Variants in PDE10A observed in about 807,000 individuals in gnomAD.
The protein encoded by PDE10A is cAMP and cAMP-inhibited cGMP 3',5'-cyclic phosphodiesterase 10A.
A neutral mutation model predicts 97.7 loss-of-function variants in PDE10A; 39 were observed. The ratio of observed to expected loss-of-function variants is 0.40; its 90% CI spans 0.31 to 0.52. The LOEUF is 0.52. Among genes scored for constraint, PDE10A ranks in the 20% least tolerant of loss-of-function variants. The pLI, the probability that PDE10A is intolerant of heterozygous loss-of-function variation, is 0.56. For missense variants in PDE10A, 731 were observed against 1,047.8 expected (o/e 0.70, Z 4.17); for synonymous variants, 371 against 376.8 (o/e 0.98, Z 0.18).
At chr6:165,690,525 C>T (rs574445250) in intron 1 of PDE10A, among the ~76,000 whole-genome samples, 9 of 152,320 alleles carry the variant, frequency 5.9e-5, no homozygotes, top group African/African-American at 2.2e-4. Context: ...ATGCCCCTCC[C>T]TTGCTCAAAA....
At chr6:165,707,271 G>A (rs568622435) in intron 1 of PDE10A, among the ~76,000 whole-genome samples, 5 of 152,242 alleles carry the variant, frequency 3.3e-5, no homozygotes, top group South Asian at 4.2e-4. Context: ...GATGGGTGGC[G>A]GGCAGCTTGG....
chr6:165,398,760 G>C (rs955631041), intron 13 of PDE10A, among the ~76,000 whole-genome samples: 7 of 152,040 alleles, frequency 4.6e-5, no homozygotes, highest in South Asian at 2.1e-4. Flanking sequence ...AATTTTAAAG[G>C]TAGAGAGAAA....
intron 1 of PDE10A, among the ~76,000 whole-genome samples, chr6:165,870,404 T>C (rs1433601560): frequency 6.6e-6 from 1 of 152,102 alleles, no homozygotes; most frequent in East Asian, 1.9e-4. Flanking sequence ...AATGAGATAT[T>C]GTCTCACTCC....
Position 165,450,343 on chromosome 6 carries a change from T to G in PDE10A, c.1043A>C (p.Gln348Pro). The G allele has an allele frequency of 6.5e-7, 1 of 1,547,032 alleles. No homozygotes were observed. Among genetic ancestry groups the G allele is most frequent in the Non-Finnish European group, 8.8e-7 (1 of 1,130,136 alleles). The change falls in exon 4 of 22, where the codon CAG becomes CCG. Residue 348 changes from glutamine (Q) to proline (P), a missense_variant. Gln to Pro is a moderately conservative substitution (Grantham distance 76). Around this residue, in one of 8 missense-constraint regions of PDE10A, gnomAD observed 181 missense variants for 159.1 expected, o/e 1.14. Coordinates refer to ENST00000539869, the MANE Select transcript of PDE10A (RefSeq NM_001385079.1). ...GCTGTTTAGTTCATATACAACTCCC[T>G]GCATATTCGTATCTTGGTACTTTGG... The part of the protein sequence containing the change: ...EVSRYQDTNM[Q>P]GVVYELNSYI...
chr6:165,762,238 C>T lies in PDE10A; in HGVS notation c.-614-218670G>A, dbSNP rs554618958. On this transcript the variant is annotated intron_variant, in intron 1 of 19. Transcript: ENST00000366882. ...GCATTTCTTCCCTGCTGTGTAAACCCGATTTTAGTTGGTCAGGGAGATGTA... is the reference window on the plus strand; with the variant it reads ...GCATTTCTTCCCTGCTGTGTAAACCTGATTTTAGTTGGTCAGGGAGATGTA... Among the ~76,000 whole-genome samples, 39 of 152,196 alleles carry T rather than the reference C, an allele frequency of 2.6e-4. 1 individual carries two copies. The highest frequency in any genetic ancestry group is 4.8e-4 in the Non-Finnish European group (33 of 68,044).
chr6:165,590,797 A>T (rs1265884845), intron 1 of PDE10A, among the ~76,000 whole-genome samples: 1 of 152,210 alleles, frequency 6.6e-6, no homozygotes, highest in Non-Finnish European at 1.5e-5. Context: ...AGGCTGAGGC[A>T]GGAGAATGGC....
chr6:165,759,185 C>T (rs985137700), intron 1 of PDE10A, among the ~76,000 whole-genome samples: 20 of 152,278 alleles, frequency 1.3e-4, no homozygotes, highest in African/African-American at 4.8e-4. Flanking sequence ...TCCAAAACTA[C>T]ATTTTAAAAA....
intron 1 of PDE10A, among the ~76,000 whole-genome samples, chr6:165,969,350 G>A (rs1784604097): frequency 6.6e-6 from 1 of 152,156 alleles, no homozygotes; most frequent in Admixed American, 6.5e-5. Flanking sequence ...AGGGGGTAGG[G>A]ACAGTGTCCT....
chr6:165,386,828 C>A (rs1419959055), intron 17 of PDE10A, among the ~76,000 whole-genome samples: 1 of 148,126 alleles, frequency 6.8e-6, no homozygotes, highest in Non-Finnish European at 1.5e-5. Flanking sequence ...CAATGAAACC[C>A]CAGCTCTACT....
chr6:165,691,098 T>TC (rs1491568382), intron 1 of PDE10A, among the ~76,000 whole-genome samples: 1,389 of 27,606 alleles, frequency 0.05, 283 homozygotes, highest in African/African-American at 0.098. Context: ...TCTCTCTCTC[T>TC]TTCTCTCTCC....
At chr6:165,688,115 A>G (rs1791172827) in intron 1 of PDE10A, among the ~76,000 whole-genome samples, 1 of 152,202 alleles carries the variant, frequency 6.6e-6, no homozygotes, top group Admixed American at 6.5e-5. Flanking sequence ...AGAGATACAC[A>G]TTTTCCTATG....
chr6:165,718,571 T>C (rs1160356936), intron 1 of PDE10A, among the ~76,000 whole-genome samples: 2 of 151,972 alleles, frequency 1.3e-5, no homozygotes, highest in Admixed American at 1.3e-4. Flanking sequence ...TCTCCCCCAC[T>C]GATTGCCCCA....
chr6:165,393,786 C>T (rs1410609093), intron 15 of PDE10A, among the ~76,000 whole-genome samples: 1 of 152,044 alleles, frequency 6.6e-6, no homozygotes, highest in African/African-American at 2.4e-5. Context: ...ACATTTAATT[C>T]CTAAATGAGT....
intron 1 of PDE10A, among the ~76,000 whole-genome samples, chr6:165,753,632 C>A (rs936645734): frequency 1.3e-5 from 2 of 152,092 alleles, no homozygotes; most frequent in South Asian, 4.1e-4. Flanking sequence ...ACCACAGATG[C>A]TAACTTGCTT....
intron 17 of PDE10A, among the ~76,000 whole-genome samples, chr6:165,387,742 C>G (rs1051816661): frequency 6.6e-6 from 1 of 152,146 alleles, no homozygotes; most frequent in Non-Finnish European, 1.5e-5. Flanking sequence ...AATCAAGTCA[C>G]TATGATGTAA....
intron 1 of PDE10A, chr6:165,781,111 G>A (rs1373001612): frequency 6.6e-6 from 1 of 152,198 alleles, no homozygotes; most frequent in Non-Finnish European, 1.5e-5. Flanking sequence ...CATGAGAGTG[G>A]TTTGTTACAA....
At chr6:165,749,819 T>C (rs1344695489) in intron 1 of PDE10A, among the ~76,000 whole-genome samples, 1 of 152,258 alleles carries the variant, frequency 6.6e-6, no homozygotes, top group Non-Finnish European at 1.5e-5. Flanking sequence ...CTGAAATGCC[T>C]CAAGTTTCCA....
At chr6:165,396,237 T>C (rs899608851) in intron 14 of PDE10A, 80 bp downstream of exon 14, 35 of 1,339,238 alleles carry the variant, frequency 2.6e-5, no homozygotes, top group Non-Finnish European at 3.4e-5. Context: ...ATTGTGACTC[T>C]AATTCTATAA....
intron 1 of PDE10A, among the ~76,000 whole-genome samples, chr6:165,764,641 G>A (rs1467702163): frequency 1.3e-5 from 2 of 152,110 alleles, no homozygotes; most frequent in African/African-American, 2.4e-5. Context: ...TTAAGGCGAC[G>A]CGTCTGGAGT....
Sources: allele counts gnomAD v4.1 joint callset (sites outside exome capture counted in the v4.1 genomes callset), GRCh38; gene constraint gnomAD v4.1.1; regional missense constraint gnomAD v4.1.1; transcripts MANE v1.5; gene names NCBI Gene and HGNC (gene_info 2026-07-23, HGNC 2026-07-21).